TPTE2: variants seen among roughly 807,000 people sequenced by gnomAD.
TPTE2 encodes the protein transmembrane phosphoinositide 3-phosphatase and tensin homolog 2.
In TPTE2, 53 loss-of-function variants were observed where a neutral mutation model predicts 78.6. The observed-to-expected ratio is 0.67, with a 90% CI of 0.54 to 0.85. The LOEUF is 0.85. Among genes scored for constraint, TPTE2 ranks in the 40% least tolerant of loss-of-function variants. The pLI, the probability that TPTE2 is intolerant of heterozygous loss-of-function variation, is 0.00. For synonymous variants in TPTE2, 175 were observed against 206.2 expected (o/e 0.85, Z 1.30); for missense variants, 461 against 623.0 (o/e 0.74, Z 2.77).
chr13:19,560,721 G>C, the TPTE2 span: 2 of 1,486,232 alleles, frequency 1.3e-6, no homozygotes, highest in Non-Finnish European at 1.9e-6. Flanking sequence ...CTGTCGTCTG[G>C]GGGCCTCCAG....
intron 1 of TPTE2, among the ~76,000 whole-genome samples, chr13:19,526,736 TAAATA>T (rs1183364481): frequency 8.5e-6 from 1 of 117,240 alleles, no homozygotes; most frequent in Non-Finnish European, 1.9e-5. Context: ...AAAAATTAAT[TAAATA>T]AAATGTGCAT....
chr13:19,560,776 G>C, the TPTE2 span: 4 of 1,468,254 alleles, frequency 2.7e-6, no homozygotes, highest in Non-Finnish European at 3.7e-6. Context: ...GAAGGGCAGC[G>C]GGTCCACCTC....
At chr13:19,506,416 G>A (rs537892373), upstream of TPTE2, among the ~76,000 whole-genome samples, 65 of 151,616 alleles carry the variant, frequency 4.3e-4, no homozygotes, top group African/African-American at 1.4e-3. Flanking sequence ...CTCGTGATCC[G>A]CCCGCCTTGG....
At chr13:19,507,565 C>A (rs1200972640), upstream of TPTE2, among the ~76,000 whole-genome samples, 7 of 152,204 alleles carry the variant, frequency 4.6e-5, no homozygotes, top group Non-Finnish European at 8.8e-5. Flanking sequence ...TGTTCAGGAG[C>A]TTCAGGGTGA....
intron 19 of TPTE2, 104 bp downstream of exon 22, chr13:19,424,843 T>C (rs1875897712): frequency 1.3e-6 from 1 of 756,422 alleles, no homozygotes; most frequent in Non-Finnish European, 2.1e-6. Context: ...TTTTTTGCTT[T>C]CTATAAATTA....
intron 6 of TPTE2, among the ~76,000 whole-genome samples, chr13:19,471,383 G>T (rs1186456946): frequency 1.3e-5 from 2 of 152,154 alleles, no homozygotes; most frequent in East Asian, 3.9e-4. Flanking sequence ...CAATAGTGAA[G>T]GTAATTTTCT....
At chr13:19,465,219 G>GT in intron 9 of TPTE2, 36 bp downstream of exon 12, 2 of 1,611,706 alleles carry the variant, frequency 1.2e-6, no homozygotes, top group Non-Finnish European at 1.7e-6. Flanking sequence ...AAAAAGTGAA[G>GT]TAATACAAGT....
At chr13:19,561,030 G>A in the TPTE2 span, 7 of 1,573,432 alleles carry the variant, frequency 4.4e-6, no homozygotes, top group Admixed American at 1.8e-5. Flanking sequence ...AGGCAGAGGC[G>A]CTTGGACAGG....
upstream of TPTE2, among the ~76,000 whole-genome samples, chr13:19,537,634 A>C (rs112004118): frequency 0.052 from 7,519 of 145,462 alleles, 204 homozygotes; most frequent in Middle Eastern, 0.062. Context: ...CCAGAGTCTC[A>C]CTCTGTCGCC....
At chr13:19,430,439 A>T in intron 17 of TPTE2, 29 bp downstream of exon 20, 1 of 1,556,338 alleles carries the variant, frequency 6.4e-7, no homozygotes, top group Non-Finnish European at 8.8e-7. Context: ...CAAACATCAG[A>T]TTTTTTCAAT....
At chr13:19,426,478 C>G (rs1566033923) in exon 18 of TPTE2, 1 of 1,606,096 alleles carries the variant, frequency 6.2e-7, no homozygotes, top group East Asian at 2.2e-5. Context: ...CCGTCATATA[C>G]ATTAATTAAT....
At chr13:19,425,782 T>C (rs1402795724) in intron 18 of TPTE2, 2 of 509,632 alleles carry the variant, frequency 3.9e-6, no homozygotes, top group Admixed American at 4.0e-5. Flanking sequence ...CGAGCACAGG[T>C]CTCCTGGATG....
intron 10 of TPTE2, among the ~76,000 whole-genome samples, chr13:19,460,148 C>A (rs1478737433): frequency 6.6e-6 from 1 of 152,212 alleles, no homozygotes. Context: ...AGCTGATGTG[C>A]CCAGACTCCA....
At chr13:19,527,225 A>T (rs1042134224) in intron 1 of TPTE2, among the ~76,000 whole-genome samples, 3 of 152,196 alleles carry the variant, frequency 2.0e-5, no homozygotes, top group Non-Finnish European at 2.9e-5. Context: ...GACAGAAGGA[A>T]TAAGTTCTAA....
intron 18 of TPTE2, chr13:19,425,825 C>T (rs1409855850): frequency 1.9e-6 from 1 of 516,940 alleles, no homozygotes; most frequent in African/African-American, 1.9e-5. Flanking sequence ...GTGTGCTGCC[C>T]TCTTCTCTCT....
chr13:19,553,561 A>C, the TPTE2 span, among the ~76,000 whole-genome samples: 4 of 152,184 alleles, frequency 2.6e-5, no homozygotes, highest in South Asian at 8.3e-4. Context: ...ATGTCCACTA[A>C]CAGGTGAATA....
At chr13:19,536,889 ATTAT>A (rs1438551824), upstream of TPTE2, 1 of 151,150 alleles carries the variant, frequency 6.6e-6, no homozygotes, top group Non-Finnish European at 1.5e-5. Flanking sequence ...CATATACACA[ATTAT>A]TTATATATTC....
At chr13:19,464,619 A>C (rs1194269690) in intron 9 of TPTE2, 99 bp from the exon 13 acceptor site, 5 of 1,351,490 alleles carry the variant, frequency 3.7e-6, no homozygotes, top group Non-Finnish European at 5.1e-6. Context: ...TTTCACAGAA[A>C]AAAAACTTTT....
Position 19,500,861 on chromosome 13 carries a change from G to A in TPTE2, c.11+2363C>T, listed in dbSNP as rs1868476619. Reference sequence around the variant, plus strand: ...AAGTAGGAAAAGAGGAAGTCAAATTGTCCCTGTTTGCAGATGACATGATTG... The same window carrying A: ...AAGTAGGAAAAGAGGAAGTCAAATTATCCCTGTTTGCAGATGACATGATTG... On this transcript the variant is annotated intron_variant, in intron 1 of 19. Coordinates refer to ENST00000400230, the Ensembl canonical transcript of TPTE2. Among the ~76,000 whole-genome samples the A allele has an allele frequency of 2.7e-5, 4 of 148,188 alleles. No homozygotes were observed. The South Asian group carries it at 8.9e-4, about 33-fold the overall frequency.
Sources: gnomAD v4.1 joint callset for allele counts (sites outside exome capture counted in the v4.1 genomes callset) on GRCh38, gnomAD v4.1.1 for gene constraint, MANE v1.5 for transcripts, NCBI Gene and HGNC (gene_info 2026-07-23, HGNC 2026-07-21) for gene names.